DCHS2: variants seen among roughly 807,000 people sequenced by gnomAD.
DCHS2 encodes protocadherin-23.
Under a neutral mutation model 182.4 loss-of-function variants are expected in DCHS2, and 142 were observed. The ratio of observed to expected loss-of-function variants is 0.78; its 90% CI spans 0.68 to 0.89. The LOEUF (loss-of-function observed/expected upper bound fraction) is 0.89. Ranked by LOEUF, DCHS2 falls within the 40% of genes least tolerant of loss-of-function variation. The pLI is 0.00. For synonymous variants in DCHS2, 1,740 were observed against 1,663.3 expected, an observed-to-expected ratio of 1.05 and a Z score of -1.12; for missense variants, 4,319 against 4,198.6, an observed-to-expected ratio of 1.03 and a Z score of -0.79.
At position 154,236,921 on chromosome 4, in the gene DCHS2, G is replaced by A; in HGVS notation, c.7731C>T (p.Asp2577=). ...TLVTFSNIDH[D]WTRENTYVEY... ...CAACATATGTGTTTTCACGGGTCCA[G>A]TCATGGTCGATGTTTGAAAATGTAA... The change falls in exon 20 of 20, where the codon GAC becomes GAT. Residue 2577 remains aspartate (D), a synonymous_variant. Transcript: ENST00000357232. 2 of 1,614,076 alleles carry A rather than the reference G, an allele frequency of 1.2e-6. No individual in the cohort carries two copies. The highest frequency in any genetic ancestry group is 1.7e-6 in the Non-Finnish European group (2 of 1,179,948).
chr4:154,298,988 G>A (rs1030661805), intron 12 of DCHS2, among the ~76,000 whole-genome samples: 5 of 152,034 alleles, frequency 3.3e-5, no homozygotes, highest in African/African-American at 7.2e-5. Context: ...ATTTGCAGCC[G>A]TATGATTTTT....
intron 1 of DCHS2, among the ~76,000 whole-genome samples, chr4:154,448,850 C>T (rs1457187081): frequency 6.6e-6 from 1 of 152,172 alleles, no homozygotes; most frequent in Non-Finnish European, 1.5e-5. Flanking sequence ...TCAGGCAGGA[C>T]ATGCCTGTCC....
chr4:154,491,625 ATC>A lies in DCHS2; in HGVS notation c.-272_-271del. ...CCCTGGATTTCTTTAAACGAATCTC[ATC>A]TCTTTTTCTCTCTCCTTTTATTCCC... On this transcript the variant is annotated 5_prime_UTR_variant, in exon 1 of 20. It adds an upstream start codon to the 5' untranslated region. Coordinates refer to ENST00000357232, the MANE Select transcript of DCHS2 (RefSeq NM_001358235.2). 3.0e-6 allele frequency: 4 copies of A among 1,313,928 alleles called. No homozygotes were observed. In the South Asian group the frequency reaches 7.5e-5, roughly 25 times the overall value. 81.4% of individuals were successfully genotyped at this position (1,313,928 alleles called of 1,614,324 possible). A position where few individuals can be genotyped will look rare whatever the true frequency, so the allele number is the denominator to read the frequency against.
At chr4:154,361,779 A>G (rs1055250304) in intron 3 of DCHS2, among the ~76,000 whole-genome samples, 1 of 152,152 alleles carries the variant, frequency 6.6e-6, no homozygotes, top group African/African-American at 2.4e-5. Context: ...AACATTTTTC[A>G]TACCAGATGA....
At chr4:154,423,067 A>T (rs1450237368) in intron 1 of DCHS2, among the ~76,000 whole-genome samples, 1 of 152,218 alleles carries the variant, frequency 6.6e-6, no homozygotes, top group East Asian at 1.9e-4. Context: ...TATTGTATTG[A>T]TTTAAAATAT....
At chr4:154,341,055 G>A (rs1180573019) in intron 3 of DCHS2, among the ~76,000 whole-genome samples, 2 of 152,110 alleles carry the variant, frequency 1.3e-5, no homozygotes, top group Admixed American at 6.5e-5. Flanking sequence ...TCAAAGGGAA[G>A]TGCCTTGTTA....
In DCHS2 at chr4:154,351,803, A is replaced by G. The variant is rs528770334; in HGVS notation, c.2476+14407T>C. ...AATCTAATGCTTACGCCGATCTGAC[A>G]GGAGGTAGAGCTCCGGCGGTAATGC... is the stretch of plus-strand genomic sequence containing the variant. On this transcript the variant is annotated intron_variant, in intron 3 of 19. Coordinates refer to ENST00000357232, the MANE Select transcript of DCHS2 (RefSeq NM_001358235.2). 2.0e-5 allele frequency among the ~76,000 whole-genome samples: 3 copies of G among 152,256 alleles called. No homozygotes were observed. In the East Asian group the frequency reaches 5.8e-4, roughly 30 times the overall value.
intron 1 of DCHS2, among the ~76,000 whole-genome samples, chr4:154,484,503 G>A (rs4696587): frequency 0.74 from 112,839 of 152,022 alleles, 42,432 homozygotes; most frequent in East Asian, 0.85. Context: ...CAGACACACC[G>A]TGATTATTCC....
chr4:154,368,098 C>T (rs565911334), intron 2 of DCHS2, among the ~76,000 whole-genome samples: 1 of 152,226 alleles, frequency 6.6e-6, no homozygotes, highest in African/African-American at 2.4e-5. Flanking sequence ...CCACAAAGAA[C>T]AATGCAAGTT....
intron 13 of DCHS2, among the ~76,000 whole-genome samples, chr4:154,290,074 T>A (rs1734583406): frequency 6.6e-6 from 1 of 152,118 alleles, no homozygotes; most frequent in African/African-American, 2.4e-5. Flanking sequence ...CTATTAGAAC[T>A]GATAAACAAA....
intron 10 of DCHS2, among the ~76,000 whole-genome samples, chr4:154,308,942 G>A (rs1735565931): frequency 6.6e-6 from 1 of 152,092 alleles, no homozygotes; most frequent in Non-Finnish European, 1.5e-5. Flanking sequence ...AGGAGTTAAT[G>A]GGTAAGAGGG....
intron 1 of DCHS2, among the ~76,000 whole-genome samples, chr4:154,446,406 C>T (rs1350147023): frequency 6.6e-6 from 1 of 152,130 alleles, no homozygotes; most frequent in Non-Finnish European, 1.5e-5. Context: ...AAGGTAAAGC[C>T]TAGAGTCTGT....
At chr4:154,328,275 A>G (rs1736377238) in intron 6 of DCHS2, 83 bp from the exon 7 acceptor site, 2 of 927,954 alleles carry the variant, frequency 2.2e-6, no homozygotes, top group Admixed American at 4.7e-5. Flanking sequence ...GAATGAATAC[A>G]TTATACTAAA....
chr4:154,234,539 T>C lies in DCHS2; in HGVS notation c.10113A>G (p.Ile3371Met), dbSNP rs992369778. 6.2e-7 allele frequency: 1 copy of C among 1,605,090 alleles called. No individual in the cohort carries two copies. The highest frequency in any genetic ancestry group is 8.5e-7 in the Non-Finnish European group (1 of 1,174,620). ...GGTACTTGGCATCCCAGTGGTTTCA[T>C]ATTTGAACTTCATCTTCTGCTTTAA... ...HELKAEDEVQ[I>M] Residue 3371 changes from isoleucine to methionine, a missense_variant, in exon 20 of 20, where the codon ATA becomes ATG. Coordinates refer to ENST00000357232, the MANE Select transcript of DCHS2 (RefSeq NM_001358235.2).
chr4:154,315,527 T>TA (rs761849761), intron 10 of DCHS2, among the ~76,000 whole-genome samples: 3 of 152,178 alleles, frequency 2.0e-5, no homozygotes, highest in Non-Finnish European at 2.9e-5. Flanking sequence ...CACCCTAATA[T>TA]AAATAATAAT....
intron 1 of DCHS2, chr4:154,391,149 A>C: frequency 1.2e-6 from 2 of 1,605,710 alleles, no homozygotes; most frequent in Non-Finnish European, 1.7e-6. Flanking sequence ...ACTTATTTTT[A>C]ATTTTTGTTC....
At chr4:154,443,697 T>C (rs1408994021) in intron 1 of DCHS2, among the ~76,000 whole-genome samples, 3 of 152,192 alleles carry the variant, frequency 2.0e-5, no homozygotes, top group Admixed American at 2.0e-4. Context: ...TCATCAATTG[T>C]TCCCTTTCTC....
intron 6 of DCHS2, among the ~76,000 whole-genome samples, chr4:154,328,903 A>G (rs1736399271): frequency 6.6e-6 from 1 of 152,182 alleles, no homozygotes; most frequent in Admixed American, 6.5e-5. Flanking sequence ...TAGCTTCTAA[A>G]CTTTTCATTA....
chr4:154,356,986 T>C (rs915774226), intron 3 of DCHS2, among the ~76,000 whole-genome samples: 1 of 152,126 alleles, frequency 6.6e-6, no homozygotes, highest in South Asian at 2.1e-4. Context: ...GTTTTCTTCC[T>C]TCATCTTTTT....
Sources: gnomAD v4.1 joint callset for allele counts (sites outside exome capture counted in the v4.1 genomes callset) on GRCh38, gnomAD v4.1.1 for gene constraint, MANE v1.5 for transcripts, NCBI Gene and HGNC (gene_info 2026-07-23, HGNC 2026-07-21) for gene names.